OLA1: variants seen among roughly 807,000 people sequenced by gnomAD.
The protein encoded by OLA1 is obg-like ATPase 1.
OLA1 carries 14 observed loss-of-function variants against 48.4 expected under a neutral mutation model. The ratio of observed to expected loss-of-function variants is 0.29; its 90% CI spans 0.19 to 0.45. OLA1 has a LOEUF of 0.45. Among genes scored for constraint, OLA1 ranks in the 20% least tolerant of loss-of-function variants. OLA1 has a pLI of 1.00. For missense variants in OLA1, 325 were observed against 467.1 expected (o/e 0.70, Z 2.80); for synonymous variants, 127 against 150.4 (o/e 0.84, Z 1.14).
rs1481710724 is a variant in OLA1 at position 174,126,579 on chromosome 2, T to A, written c.550-2904A>T. ...ACTAATTCAAGAGGTAACAGTATAA[T>A]GCTTAAGCATGGGAATAAATCCTAG... On this transcript the variant is annotated intron_variant, in intron 5 of 10. Coordinates refer to ENST00000284719, the MANE Select transcript of OLA1 (RefSeq NM_013341.5). Among the ~76,000 whole-genome samples the A allele has an allele frequency of 4.6e-5, 7 of 152,332 alleles. No individual in the cohort carries two copies. The South Asian group carries it at 1.4e-3, about 32-fold the overall frequency.
At chr2:174,189,817 T>C (rs151054216) in intron 4 of OLA1, among the ~76,000 whole-genome samples, 1 of 148,044 alleles carries the variant, frequency 6.8e-6, no homozygotes, top group East Asian at 2.0e-4. Context: ...ATGACATATA[T>C]ACTGAATTAT....
At position 174,245,711 on chromosome 2, in the gene OLA1, T is replaced by A. The variant is rs547503901; in HGVS notation, c.101+1004A>T. Among the ~76,000 whole-genome samples the A allele has an allele frequency of 3.9e-5, 6 of 152,198 alleles. No homozygotes were observed. The South Asian group carries it at 8.3e-4, about 21-fold the overall frequency. ...GAGTTCAACACCAGCCTGGCCAACA[T>A]GGTAAAACCCCGTCTCTACTAAAAA... On this transcript the variant is annotated intron_variant, in intron 2 of 10. Coordinates refer to ENST00000284719, the MANE Select transcript of OLA1 (RefSeq NM_013341.5).
At chr2:174,170,513 C>T (rs1004717999) in intron 4 of OLA1, among the ~76,000 whole-genome samples, 4 of 152,036 alleles carry the variant, frequency 2.6e-5, no homozygotes, top group Non-Finnish European at 4.4e-5. Context: ...GTCCATTAGA[C>T]AATGAAATAA....
At chr2:174,119,169 T>C (rs1685851320) in intron 7 of OLA1, among the ~76,000 whole-genome samples, 1 of 151,916 alleles carries the variant, frequency 6.6e-6, no homozygotes, top group African/African-American at 2.4e-5. Context: ...CCATCTCCTG[T>C]AATAAAAAGA....
chr2:174,155,136 G>C (rs1686844562), intron 4 of OLA1, among the ~76,000 whole-genome samples: 1 of 152,046 alleles, frequency 6.6e-6, no homozygotes, highest in African/African-American at 2.4e-5. Flanking sequence ...TCTAGTGTTA[G>C]AATATGTGAT....
chr2:174,211,180 A>ACACAC (rs1688233620), intron 4 of OLA1, among the ~76,000 whole-genome samples: 1 of 148,666 alleles, frequency 6.7e-6, no homozygotes, highest in Non-Finnish European at 1.5e-5. Context: ...TCCTCCCCAC[A>ACACAC]ACACACACAC....
chr2:174,140,788 G>A lies in OLA1; in HGVS notation c.549+1037C>T, dbSNP rs116474655. 7.9e-3 allele frequency among the ~76,000 whole-genome samples: 1,201 copies of A among 152,248 alleles called. 18 individuals carry two copies. The highest frequency in any genetic ancestry group is 0.027 in the African/African-American group (1,132 of 41,544). On this transcript the variant is annotated intron_variant, in intron 5 of 10. Coordinates refer to ENST00000284719, the MANE Select transcript of OLA1 (RefSeq NM_013341.5). Reference sequence around the variant, plus strand: ...CAAGGAGTTAACACTCCTAGGAGTAGCCCATAGCCAGTAACTGATATAAAT... The same window carrying A: ...CAAGGAGTTAACACTCCTAGGAGTAACCCATAGCCAGTAACTGATATAAAT...
chr2:174,159,194 C>T (rs969223164), intron 4 of OLA1, among the ~76,000 whole-genome samples: 9 of 152,148 alleles, frequency 5.9e-5, no homozygotes, highest in African/African-American at 2.2e-4. Context: ...TGTTTTGCTG[C>T]TACAATTTGC....
At chr2:174,125,103 C>G (rs528882000) in intron 5 of OLA1, among the ~76,000 whole-genome samples, 1 of 152,188 alleles carries the variant, frequency 6.6e-6, no homozygotes, top group Admixed American at 6.6e-5. Context: ...ATTACAAATG[C>G]ATTATGATTA....
chr2:174,183,722 T>C (rs1687596665), intron 4 of OLA1, among the ~76,000 whole-genome samples: 1 of 152,200 alleles, frequency 6.6e-6, no homozygotes, highest in Non-Finnish European at 1.5e-5. Flanking sequence ...GTTTCCTCAT[T>C]TGTAAAATGT....
At chr2:174,230,910 A>C (rs894658728) in intron 2 of OLA1, among the ~76,000 whole-genome samples, 3 of 152,234 alleles carry the variant, frequency 2.0e-5, no homozygotes, top group African/African-American at 7.2e-5. Flanking sequence ...ATTTGGAAGA[A>C]GTGATTTGAC....
At chr2:174,229,030 C>A (rs1688673118) in intron 3 of OLA1, among the ~76,000 whole-genome samples, 2 of 152,166 alleles carry the variant, frequency 1.3e-5, no homozygotes. Flanking sequence ...GCACCTGCCA[C>A]CACACCCAGC....
At chr2:174,170,668 C>G (rs907162138) in intron 4 of OLA1, among the ~76,000 whole-genome samples, 3 of 152,130 alleles carry the variant, frequency 2.0e-5, no homozygotes, top group Admixed American at 2.0e-4. Context: ...GAGGCTGAGA[C>G]AGAAGGACTG....
chr2:174,144,050 A>ATGATCATG (rs1464277557), intron 4 of OLA1, among the ~76,000 whole-genome samples: 4 of 152,146 alleles, frequency 2.6e-5, no homozygotes, highest in East Asian at 3.9e-4. Flanking sequence ...GTAACAAGCC[A>ATGATCATG]TGATCATGCC....
intron 4 of OLA1, among the ~76,000 whole-genome samples, chr2:174,184,390 G>C (rs1482002132): frequency 6.6e-6 from 1 of 152,096 alleles, no homozygotes. Flanking sequence ...CCAGTTTAAT[G>C]ATGAGGAAGA....
chr2:174,179,620 T>C (rs951874232), intron 4 of OLA1, among the ~76,000 whole-genome samples: 3 of 152,146 alleles, frequency 2.0e-5, no homozygotes, highest in African/African-American at 2.4e-5. Context: ...TTATAATAAA[T>C]TTCCTAAAAC....
At chr2:174,114,172 C>A (rs867262317) in intron 7 of OLA1, among the ~76,000 whole-genome samples, 511 of 77,656 alleles carry the variant, frequency 6.6e-3, no homozygotes, top group African/African-American at 9.2e-3. Context: ...ACTAAAAATA[C>A]AAAAAAAAAA....
intron 7 of OLA1, among the ~76,000 whole-genome samples, chr2:174,114,898 G>A (rs181674711): frequency 8.5e-5 from 13 of 152,286 alleles, no homozygotes; most frequent in African/African-American, 2.6e-4. Flanking sequence ...GAGAGGCCAA[G>A]GCACGTGGAT....
chr2:174,207,754 G>C (rs2105438028), intron 4 of OLA1, among the ~76,000 whole-genome samples: 1 of 139,936 alleles, frequency 7.1e-6, no homozygotes, highest in African/African-American at 2.7e-5. Flanking sequence ...GGAAAATACA[G>C]ATTGAAAAGT....
Sources: gnomAD v4.1 joint callset for allele counts (sites outside exome capture counted in the v4.1 genomes callset) on GRCh38, gnomAD v4.1.1 for gene constraint, MANE v1.5 for transcripts, NCBI Gene and HGNC (gene_info 2026-07-23, HGNC 2026-07-21) for gene names.